PAPPA2: variants seen among roughly 807,000 people sequenced by gnomAD.
The protein encoded by PAPPA2 is pappalysin-2.
In PAPPA2, 86 loss-of-function variants were observed where a neutral mutation model predicts 176.4. That is an observed-to-expected ratio of 0.49 (90% CI 0.41 to 0.58). The LOEUF (loss-of-function observed/expected upper bound fraction) is 0.58. Ranked by LOEUF, PAPPA2 falls within the 20% of genes least tolerant of loss-of-function variation. The probability of loss-of-function intolerance (pLI) is 0.00; values close to 1 mark genes in which losing one functional copy is unlikely to be tolerated. For missense variants in PAPPA2, 2,073 were observed against 2,256.9 expected (o/e 0.92, Z 1.65); for synonymous variants, 809 against 852.2 (o/e 0.95, Z 0.88).
At chr1:176,798,009 A>G (rs1665521722) in intron 20 of PAPPA2, among the ~76,000 whole-genome samples, 1 of 152,234 alleles carries the variant, frequency 6.6e-6, no homozygotes, top group Admixed American at 6.5e-5. Flanking sequence ...GGAATGCTAG[A>G]TAGTCCCTAT....
At chr1:176,726,847 C>T (rs571207445) in intron 12 of PAPPA2, among the ~76,000 whole-genome samples, 1 of 152,196 alleles carries the variant, frequency 6.6e-6, no homozygotes, top group Admixed American at 6.5e-5. Flanking sequence ...TGGAAAGAAG[C>T]GTAAGTGGGT....
intron 4 of PAPPA2, among the ~76,000 whole-genome samples, chr1:176,686,017 G>C (rs570206255): frequency 1.3e-5 from 2 of 152,276 alleles, no homozygotes; most frequent in South Asian, 4.1e-4. Context: ...ATGTGAGTAT[G>C]TGTGTCTGTG....
chr1:176,589,895 G>A (rs1307011897), intron 2 of PAPPA2, among the ~76,000 whole-genome samples: 2 of 152,194 alleles, frequency 1.3e-5, no homozygotes, highest in Non-Finnish European at 2.9e-5. Context: ...GTGAGATTCT[G>A]TAATTTTTCC....
intron 12 of PAPPA2, among the ~76,000 whole-genome samples, chr1:176,713,632 A>G (rs1443646560): frequency 1.3e-5 from 2 of 152,152 alleles, no homozygotes; most frequent in African/African-American, 4.8e-5. Flanking sequence ...AGCATTGCTA[A>G]TTCTTTATGT....
chr1:176,517,923 T>G (rs1649004606), intron 1 of PAPPA2, among the ~76,000 whole-genome samples: 1 of 152,056 alleles, frequency 6.6e-6, no homozygotes, highest in South Asian at 2.1e-4. Flanking sequence ...AGAGTTGCCT[T>G]GAAAATATCC....
chr1:176,692,411 A>G (rs1660161402), intron 6 of PAPPA2, 93 bp downstream of exon 6: 7 of 1,283,458 alleles, frequency 5.5e-6, no homozygotes, highest in Admixed American at 2.0e-5. Context: ...GGGAACTCCA[A>G]TTTGGAAGTA....
chr1:176,573,466 A>G (rs1652469398), intron 2 of PAPPA2, among the ~76,000 whole-genome samples: 1 of 152,108 alleles, frequency 6.6e-6, no homozygotes, highest in African/African-American at 2.4e-5. Context: ...GGACCAGCAG[A>G]GAATATAGAA....
intron 3 of PAPPA2, among the ~76,000 whole-genome samples, chr1:176,623,754 C>CTTTCTTT (rs2102697102): frequency 2.4e-5 from 1 of 40,988 alleles, no homozygotes; most frequent in Non-Finnish European, 4.8e-5. Context: ...CTCTTTCCTT[C>CTTTCTTT]CTTCCTTTCT....
At chr1:176,596,994 C>G (rs925341227) in intron 3 of PAPPA2, among the ~76,000 whole-genome samples, 1 of 152,142 alleles carries the variant, frequency 6.6e-6, no homozygotes, top group Non-Finnish European at 1.5e-5. Context: ...AGCTTCCACC[C>G]AATGTCTTGA....
At chr1:176,623,170 A>G (rs1655689807) in intron 3 of PAPPA2, among the ~76,000 whole-genome samples, 1 of 152,090 alleles carries the variant, frequency 6.6e-6, no homozygotes, top group East Asian at 1.9e-4. Flanking sequence ...AGCTCAACAT[A>G]TTTTGTTCCG....
At position 176,594,829 on chromosome 1, in the gene PAPPA2, G is replaced by A. The variant is rs373608384; in HGVS notation, c.1225G>A (p.Gly409Arg). ...FMASCRSLLLGGDSSEDGHYF... is the reference protein window; with the variant it reads ...FMASCRSLLLRGDSSEDGHYF... ...GGCATCTTGCCGCTCTTTGCTCCTGGGGGGAGACAGCTCTGAGGATGGGCA... is the reference window on the plus strand; with the variant it reads ...GGCATCTTGCCGCTCTTTGCTCCTGAGGGGAGACAGCTCTGAGGATGGGCA... Residue 409 changes from glycine to arginine, a missense_variant, in exon 3 of 23, where the codon GGG (glycine) becomes AGG (arginine). Physicochemically the swap from Gly to Arg is moderately radical, Grantham distance 125 (BLOSUM62 -2). This residue lies in a region of PAPPA2 where 1,196 missense variants were observed against 1,330.4 expected (regional missense o/e 0.90). Coordinates refer to ENST00000367662, the MANE Select transcript of PAPPA2 (RefSeq NM_020318.3). 1.2e-6 allele frequency: 2 copies of A among 1,614,070 alleles called. No homozygotes were observed. Among genetic ancestry groups the A allele is most frequent in the African/African-American group, 2.7e-5 (2 of 74,932 alleles).
intron 1 of PAPPA2, among the ~76,000 whole-genome samples, chr1:176,482,440 C>T (rs368073081): frequency 4.6e-5 from 7 of 152,272 alleles, no homozygotes; most frequent in Non-Finnish European, 8.8e-5. Flanking sequence ...CTTCTATAGT[C>T]GCTAATTGAA....
At chr1:176,833,693 C>T (rs1165896492) in intron 21 of PAPPA2, among the ~76,000 whole-genome samples, 1 of 152,102 alleles carries the variant, frequency 6.6e-6, no homozygotes, top group Admixed American at 6.6e-5. Flanking sequence ...ATTCTACTGC[C>T]TTGTCCTACT....
chr1:176,669,487 A>G (rs1363060981), intron 3 of PAPPA2, among the ~76,000 whole-genome samples: 1 of 152,144 alleles, frequency 6.6e-6, no homozygotes, highest in Non-Finnish European at 1.5e-5. Flanking sequence ...TCTTGGGAAA[A>G]CCAGGCAACA....
Position 176,710,138 on chromosome 1 carries a change from T to A in PAPPA2, c.3613T>A (p.Cys1205Ser). 3 of 1,613,734 alleles carry A rather than the reference T, an allele frequency of 1.9e-6. No homozygotes were observed. The highest frequency in any genetic ancestry group is 2.5e-6 in the Non-Finnish European group (3 of 1,179,726). The change falls in exon 11 of 23, where the codon TGT (cysteine) becomes AGT (serine). Residue 1205 changes from cysteine to serine, a missense_variant. Cys to Ser is a moderately radical substitution (Grantham distance 112, BLOSUM62 -1). Coordinates refer to ENST00000367662, the MANE Select transcript of PAPPA2 (RefSeq NM_020318.3). Reference sequence around the variant, plus strand: ...CTCCTCTCATGAAGACAAGAAGAAGTGTCCTGTTTCCTTGGTAACTGGAGA... The same window carrying A: ...CTCCTCTCATGAAGACAAGAAGAAGAGTCCTGTTTCCTTGGTAACTGGAGA... ...AYSSHEDKKK[C>S]PVSLVTGEPH...
At chr1:176,616,051 C>G (rs1213266577) in intron 3 of PAPPA2, among the ~76,000 whole-genome samples, 1 of 152,182 alleles carries the variant, frequency 6.6e-6, no homozygotes, top group Non-Finnish European at 1.5e-5. Flanking sequence ...TATATACTGA[C>G]AGCAAGAATC....
chr1:176,695,078 A>G (rs1660309438), intron 6 of PAPPA2, among the ~76,000 whole-genome samples: 1 of 152,202 alleles, frequency 6.6e-6, no homozygotes, highest in African/African-American at 2.4e-5. Flanking sequence ...AGCAGAGAGA[A>G]CAGCTCAAAG....
intron 22 of PAPPA2, 69 bp downstream of exon 22, chr1:176,840,340 T>A (rs1571406342): frequency 8.1e-7 from 1 of 1,239,884 alleles, no homozygotes; most frequent in African/African-American, 1.5e-5. Flanking sequence ...TTCAGCTAGC[T>A]CTCATTCATG....
chr1:176,789,800 T>C lies in PAPPA2; in HGVS notation c.4716-9T>C, dbSNP rs764685097. 2 of 1,609,718 alleles carry C rather than the reference T, an allele frequency of 1.2e-6. No homozygotes were observed. The highest frequency in any genetic ancestry group is 3.4e-5 in the Admixed American group (2 of 59,414). ...TCTGATGAGCTATTTTTGTTTTATG[T>C]TTTATCAGCAAGCTCCTGAAGATAC... On this transcript the variant is annotated splice_polypyrimidine_tract_variant and intron_variant, in intron 17 of 22. Transcript: ENST00000367662.
Sources: allele counts gnomAD v4.1 joint callset (sites outside exome capture counted in the v4.1 genomes callset), GRCh38; gene constraint gnomAD v4.1.1; regional missense constraint gnomAD v4.1.1; transcripts MANE v1.5; gene names NCBI Gene and HGNC (gene_info 2026-07-23, HGNC 2026-07-21).